The following DGAT1 variants were observed in gnomAD, a reference collection of about 807,000 sequenced individuals.
The protein encoded by DGAT1 is ACAT related gene product 1.
A neutral mutation model predicts 72.6 loss-of-function variants in DGAT1; 60 were observed. That is an observed-to-expected ratio of 0.83 (90% confidence interval 0.67 to 1.02). DGAT1 has a LOEUF of 1.02. DGAT1 is among the 50% of genes least tolerant of loss of function. The pLI is 0.00. For missense variants in DGAT1, 592 were observed against 670.0 expected, an observed-to-expected ratio of 0.88 and a Z score of 1.29; for synonymous variants, 290 against 267.5, an observed-to-expected ratio of 1.08 and a Z score of -0.82.
rs1034807443 is a variant in DGAT1 at position 144,316,105 on chromosome 8, G to A, written c.*449C>T. 1.7e-5 allele frequency: 4 copies of A among 232,212 alleles called. No individual in the cohort carries two copies. The highest frequency in any genetic ancestry group is 2.3e-5 in the African/African-American group (1 of 43,030). The allele number at this position is 232,212 out of a possible 1,614,324, so 14.4% of individuals were successfully genotyped here. On this transcript the variant is annotated 3_prime_UTR_variant, in exon 17 of 17. Coordinates refer to ENST00000528718, the MANE Select transcript of DGAT1 (RefSeq NM_012079.6). ...CTGAGCTGAGCTTTTCTAGGTAGGG[G>A]AGTGTGGGGAATGGGGGCGTCTGCC...
chr8:144,316,413 T>C lies in DGAT1; in HGVS notation c.*141A>G, dbSNP rs1817222859. On this transcript the variant is annotated 3_prime_UTR_variant, in exon 17 of 17. Coordinates refer to ENST00000528718, the MANE Select transcript of DGAT1 (RefSeq NM_012079.6). ...CTGAGGGGTGCAGGACAGAGCCCCA[T>C]AGGGGCAGAGAGGCCTCCCTGGGAC... 2 of 1,060,286 alleles carry C rather than the reference T, an allele frequency of 1.9e-6. No individual in the cohort carries two copies. The highest frequency in any genetic ancestry group is 1.6e-5 in the South Asian group (1 of 60,610). 65.7% of individuals were successfully genotyped at this position (1,060,286 alleles called of 1,614,324 possible).
At chr8:144,324,273 C>T (rs781870415) in intron 1 of DGAT1, among the ~76,000 whole-genome samples, 4 of 152,052 alleles carry the variant, frequency 2.6e-5, no homozygotes, top group South Asian at 2.1e-4. Flanking sequence ...AATGAGGAAG[C>T]GGGAGAGGAA....
At position 144,317,963 on chromosome 8, in the gene DGAT1, C is replaced by T. The variant is rs139792712; in HGVS notation, c.806G>A (p.Arg269His). 74 of 1,519,090 alleles carry T rather than the reference C, an allele frequency of 4.9e-5. No homozygotes were observed. The highest frequency in any genetic ancestry group is 3.9e-4 in the East Asian group (17 of 44,068). The allele number at this position is 1,519,090 out of a possible 1,614,324, so 94.1% of individuals were successfully genotyped here. The change falls in exon 9 of 17, where the codon CGC (arginine) becomes CAC (histidine). Residue 269 changes from arginine to histidine, a missense_variant. Arg to His is a conservative substitution (Grantham distance 29, BLOSUM62 0). Transcript: ENST00000528718. Reference protein sequence around the residue: ...PTLCYELNFPRSPRIRKRFLL... With the variant: ...PTLCYELNFPHSPRIRKRFLL... ...AAAGCGCTTCCGGATGCGGGGAGAGCGGGGAAAGTTGAGCTCGTAGCACAA... is the reference window on the plus strand; with the variant it reads ...AAAGCGCTTCCGGATGCGGGGAGAGTGGGGAAAGTTGAGCTCGTAGCACAA...
chr8:144,321,360 G>T lies in DGAT1; in HGVS notation c.249C>A (p.Ser83Arg). ...ACCAGTTCAGGATGCCACGGTAGTT[G>T]CTGAAGCCACTGTCAGAGCTGAATA... ...DSLFSSDSGF[S>R]NYRGILNWCV... Residue 83 changes from serine (S) to arginine (R), a missense_variant, in exon 2 of 17, where the codon AGC becomes AGA. Physicochemically the swap from Ser to Arg is moderately radical, Grantham distance 110. Coordinates refer to ENST00000528718, the MANE Select transcript of DGAT1 (RefSeq NM_012079.6). 3 of 1,613,998 alleles carry T rather than the reference G, an allele frequency of 1.9e-6. No individual in the cohort carries two copies. Among genetic ancestry groups the T allele is most frequent in the Non-Finnish European group, 2.5e-6 (3 of 1,179,964 alleles).
At position 144,316,230 on chromosome 8, in the gene DGAT1, C is replaced by T. The variant is rs1266683838; in HGVS notation, c.*324G>A. 1.6e-5 allele frequency: 5 copies of T among 315,470 alleles called. No individual in the cohort carries two copies. Among genetic ancestry groups the T allele is most frequent in the Non-Finnish European group, 2.4e-5 (4 of 168,076 alleles). 19.5% of individuals were successfully genotyped at this position (315,470 alleles called of 1,614,324 possible). A position where few individuals can be genotyped will look rare whatever the true frequency, so the allele number is the denominator to read the frequency against. On this transcript the variant is annotated 3_prime_UTR_variant, in exon 17 of 17. Coordinates refer to ENST00000528718, the MANE Select transcript of DGAT1 (RefSeq NM_012079.6). ...CAGCTGTCCACACAGCTCTGGCACT[C>T]GCCCTTGTGGGTGTGGCCATACCCC... is the stretch of plus-strand genomic sequence containing the variant.
At chr8:144,316,790 C>T (rs1817241443) in intron 16 of DGAT1, 63 bp downstream of exon 16, 2 of 1,595,408 alleles carry the variant, frequency 1.3e-6, no homozygotes, top group Non-Finnish European at 1.7e-6. Context: ...TGGGGAGGGT[C>T]AGCCGAGGGG....
rs918703763 is a variant in DGAT1 at position 144,315,011 on chromosome 8, G to A, written c.*1543C>T. 8.7e-5 allele frequency: 86 copies of A among 985,684 alleles called. No individual in the cohort carries two copies. In the African/African-American group the frequency reaches 9.9e-4, roughly 11 times the overall value. 61.1% of individuals were successfully genotyped at this position (985,684 alleles called of 1,614,324 possible). On this transcript the variant is annotated 3_prime_UTR_variant, in exon 17 of 17. Transcript: ENST00000528718. ...CGCACTCGGACAGGTGATGCGGGGC[G>A]GGCACACTGTCTTTCTGCCAGAGCC...
intron 13 of DGAT1, 29 bp downstream of exon 13, chr8:144,317,304 G>T: frequency 6.2e-7 from 1 of 1,613,370 alleles, no homozygotes; most frequent in Non-Finnish European, 8.5e-7. Context: ...GCCCATCCCA[G>T]CCCCCAGGGA....
chr8:144,317,026 T>G lies in DGAT1; in HGVS notation c.1244A>C (p.His415Pro). 6.2e-7 allele frequency: 1 copy of G among 1,612,316 alleles called. No individual in the cohort carries two copies. Among genetic ancestry groups the G allele is most frequent in the Non-Finnish European group, 8.5e-7 (1 of 1,179,706 alleles). The stretch of plus-strand genomic sequence containing the variant: ...GATGCCCCCCAGAGCACTGACCTCG[T>G]GGAAGAAGGCCGAGGCCAGGAACAC... ...TGVFLASAFF[H>P]EYLVSVPLRM... Residue 415 changes from histidine (H) to proline (P), a missense_variant, in exon 15 of 17, where the codon CAC becomes CCC. By Grantham distance (77) the His-to-Pro change is moderately conservative. Transcript: ENST00000528718.
rs1270965458 is a variant in DGAT1, at chr8:144,316,069, G to C, written c.*485C>G. 2 of 362,222 alleles carry C rather than the reference G, an allele frequency of 5.5e-6. No individual in the cohort carries two copies. Among genetic ancestry groups the C allele is most frequent in the African/African-American group, 4.4e-5 (2 of 45,190 alleles). The allele number at this position is 362,222 out of a possible 1,614,324, so 22.4% of individuals were successfully genotyped here. ...CGCACACCCAGCAGGAGTAGCACCA[G>C]GAGAGGACGCCTGAGCTGAGCTTTT... On this transcript the variant is annotated 3_prime_UTR_variant, in exon 17 of 17. Transcript: ENST00000528718.
intron 2 of DGAT1, among the ~76,000 whole-genome samples, chr8:144,320,876 A>G (rs1817433111): frequency 6.6e-6 from 1 of 152,050 alleles, no homozygotes; most frequent in Admixed American, 6.5e-5. Context: ...CTCTTCTCAC[A>G]TCCCCTGCCA....
At position 144,314,661 on chromosome 8, in the gene DGAT1, TAC is replaced by T. The variant is rs1345000318; in HGVS notation, c.*1891_*1892del. 5 of 353,742 alleles carry T rather than the reference TAC, an allele frequency of 1.4e-5. No individual in the cohort carries two copies. The South Asian group carries it at 2.0e-4, about 14-fold the overall frequency. 21.9% of individuals were successfully genotyped at this position (353,742 alleles called of 1,614,324 possible). On this transcript the variant is annotated 3_prime_UTR_variant, in exon 17 of 17. Transcript: ENST00000528718. Reference sequence around the variant, plus strand: ...CGCTCCACAGAGATACACAGATATATACACACAGTGGATGGACGGACAAGACA... The same window carrying T: ...CGCTCCACAGAGATACACAGATATATACACAGTGGATGGACGGACAAGACA...
In DGAT1 at chr8:144,318,307, G is replaced by C; in HGVS notation, c.630C>G (p.Ser210=). The C allele has an allele frequency of 1.2e-6, 2 of 1,612,508 alleles. No individual in the cohort carries two copies. Among genetic ancestry groups the C allele is most frequent in the South Asian group, 2.2e-5 (2 of 91,064 alleles). ...GGCACCATGAGTTGACGTCGCGGTA[G>C]GAGAAGAGCTTGAGGAAGAGGATGG... ...AHTILFLKLF[S]YRDVNSWCRR... Residue 210 remains serine (S), a synonymous_variant, in exon 7 of 17, where the codon TCC becomes TCG. Coordinates refer to ENST00000528718, the MANE Select transcript of DGAT1 (RefSeq NM_012079.6).
chr8:144,324,795 C>T (rs577310235), intron 1 of DGAT1, among the ~76,000 whole-genome samples: 6 of 152,272 alleles, frequency 3.9e-5, no homozygotes, highest in South Asian at 2.1e-4. Context: ...CGGCCGGGCG[C>T]GGTGGCTCAC....
rs1817238860 is a variant in DGAT1 at position 144,316,712 on chromosome 8, A to C, written c.1312-3T>G. The C allele has an allele frequency of 6.2e-7, 1 of 1,610,924 alleles. No homozygotes were observed. Among genetic ancestry groups the C allele is most frequent in the Non-Finnish European group, 8.5e-7 (1 of 1,178,866 alleles). ...CCCACGAACCAGGCCAGTGGGATCT[A>C]GGGAGTGAGGGGCCAAGTCAGTCGG... On this transcript the variant is annotated splice_region_variant and splice_polypyrimidine_tract_variant and intron_variant, in intron 16 of 16. Coordinates refer to ENST00000528718, the MANE Select transcript of DGAT1 (RefSeq NM_012079.6).
At position 144,321,357 on chromosome 8, in the gene DGAT1, G is replaced by A. The variant is rs782151793; in HGVS notation, c.252C>T (p.Asn84=). The change falls in exon 2 of 17, where the codon AAC becomes AAT. Residue 84 remains asparagine, a synonymous_variant. Transcript: ENST00000528718. ...SLFSSDSGFS[N]YRGILNWCVV... ...CACACCAGTTCAGGATGCCACGGTAGTTGCTGAAGCCACTGTCAGAGCTGA... is the reference window on the plus strand; with the variant it reads ...CACACCAGTTCAGGATGCCACGGTAATTGCTGAAGCCACTGTCAGAGCTGA... 6 of 1,614,026 alleles carry A rather than the reference G, an allele frequency of 3.7e-6. No homozygotes were observed. Among genetic ancestry groups the A allele is most frequent in the Non-Finnish European group, 5.1e-6 (6 of 1,179,982 alleles).
chr8:144,320,713 A>G (rs1268003842), intron 2 of DGAT1, among the ~76,000 whole-genome samples: 2 of 152,078 alleles, frequency 1.3e-5, no homozygotes, highest in Non-Finnish European at 2.9e-5. Context: ...CAGAGGTAGC[A>G]GGCCTTGGAC....
intron 1 of DGAT1, among the ~76,000 whole-genome samples, chr8:144,322,635 C>CTACACAAGGTTGG (rs1462317861): frequency 6.6e-6 from 1 of 151,848 alleles, no homozygotes; most frequent in Non-Finnish European, 1.5e-5. Flanking sequence ...CAACACATGC[C>CTACACAAGGTTGG]CCATCTACAC....
chr8:144,325,928 C>T (rs1421067543), intron 1 of DGAT1, among the ~76,000 whole-genome samples: 1 of 152,138 alleles, frequency 6.6e-6, no homozygotes, highest in Non-Finnish European at 1.5e-5. Context: ...AACACTGCCC[C>T]TTGTCCGGGG....
Sources: gnomAD v4.1 joint callset for allele counts (sites outside exome capture counted in the v4.1 genomes callset) on GRCh38, gnomAD v4.1.1 for gene constraint, MANE v1.5 for transcripts, NCBI Gene and HGNC (gene_info 2026-07-23, HGNC 2026-07-21) for gene names.